Variants in SLC36A1 observed in about 807,000 individuals in gnomAD.
SLC36A1 encodes solute carrier family 36 member 1.
A neutral mutation model predicts 47.5 loss-of-function variants in SLC36A1; 30 were observed. The observed-to-expected ratio is 0.63, with a 90% CI of 0.47 to 0.86. SLC36A1 has a LOEUF of 0.86. Among genes scored for constraint, SLC36A1 ranks in the 40% least tolerant of loss-of-function variants. The pLI, the probability that SLC36A1 is intolerant of heterozygous loss-of-function variation, is 0.00. For synonymous variants in SLC36A1, 255 were observed against 249.7 expected (o/e 1.02, Z -0.20); for missense variants, 517 against 606.0 (o/e 0.85, Z 1.54).
At chr5:151,387,737 G>A in the SLC36A1 span, among the ~76,000 whole-genome samples, 1 of 152,176 alleles carries the variant, frequency 6.6e-6, no homozygotes, top group Admixed American at 6.5e-5. Flanking sequence ...AAGTAGCTGG[G>A]AATACAGGCA....
chr5:151,403,898 G>A, the SLC36A1 span, among the ~76,000 whole-genome samples: 1 of 152,140 alleles, frequency 6.6e-6, no homozygotes, highest in African/African-American at 2.4e-5. Flanking sequence ...TATATTCTGT[G>A]GTTGTTTGGT....
At chr5:151,547,717 A>G in the SLC36A1 span, among the ~76,000 whole-genome samples, 1 of 152,332 alleles carries the variant, frequency 6.6e-6, no homozygotes, top group South Asian at 2.1e-4. Flanking sequence ...AACAACCTAC[A>G]TGTGATTCCG....
the SLC36A1 span, among the ~76,000 whole-genome samples, chr5:151,547,889 G>A: frequency 2.6e-5 from 4 of 152,144 alleles, no homozygotes; most frequent in African/African-American, 9.7e-5. Context: ...ATGGTTATGT[G>A]TTGTGTTCTT....
the SLC36A1 span, among the ~76,000 whole-genome samples, chr5:151,345,761 C>T: frequency 5.3e-5 from 8 of 152,282 alleles, no homozygotes; most frequent in East Asian, 5.8e-4. Context: ...AAACATAGTG[C>T]GGTAAGTCAT....
At chr5:151,425,020 CA>C in the SLC36A1 span, among the ~76,000 whole-genome samples, 1 of 152,016 alleles carries the variant, frequency 6.6e-6, no homozygotes, top group African/African-American at 2.4e-5. Context: ...AAATAAACAA[CA>C]AAAAAAGGGC....
intron 5 of SLC36A1, among the ~76,000 whole-genome samples, chr5:151,466,694 G>A (rs367931294): frequency 7.2e-4 from 109 of 152,284 alleles, no homozygotes; most frequent in African/African-American, 2.3e-3. Context: ...TTTATGTCAA[G>A]GGCTCCCTGT....
chr5:151,431,021 C>T, the SLC36A1 span, among the ~76,000 whole-genome samples: 1 of 152,168 alleles, frequency 6.6e-6, no homozygotes, highest in Admixed American at 6.5e-5. Context: ...GTGTTCATTG[C>T]TTTAGTTCCA....
At chr5:151,544,772 C>G in the SLC36A1 span, 1 of 1,614,130 alleles carries the variant, frequency 6.2e-7, no homozygotes. Flanking sequence ...AGATAGGGGT[C>G]AATTCGGAAA....
the SLC36A1 span, chr5:151,522,133 T>C: frequency 4.2e-6 from 6 of 1,442,712 alleles, no homozygotes; most frequent in Middle Eastern, 2.5e-4. Flanking sequence ...ACTGCAGTGC[T>C]CTTGCGCCCG....
the SLC36A1 span, among the ~76,000 whole-genome samples, chr5:151,371,306 C>G: frequency 6.6e-6 from 1 of 152,130 alleles, no homozygotes; most frequent in Non-Finnish European, 1.5e-5. Context: ...TTTCTATAAA[C>G]TATATTCATT....
At chr5:151,347,842 A>G in the SLC36A1 span, among the ~76,000 whole-genome samples, 3 of 152,160 alleles carry the variant, frequency 2.0e-5, no homozygotes, top group African/African-American at 4.8e-5. Flanking sequence ...TTCTCATTTA[A>G]CCCTATCAAT....
the SLC36A1 span, among the ~76,000 whole-genome samples, chr5:151,406,933 C>A: frequency 6.6e-6 from 1 of 152,086 alleles, no homozygotes; most frequent in African/African-American, 2.4e-5. Context: ...CAGATGTGTC[C>A]GGAGTTTCTT....
chr5:151,460,778 A>C (rs937516688), intron 2 of SLC36A1, among the ~76,000 whole-genome samples: 5 of 150,624 alleles, frequency 3.3e-5, no homozygotes, highest in Non-Finnish European at 5.9e-5. Context: ...TGTTAGAGAC[A>C]AGTTTTTGAG....
the SLC36A1 span, among the ~76,000 whole-genome samples, chr5:151,548,170 C>T: frequency 6.6e-6 from 1 of 152,130 alleles, no homozygotes; most frequent in Non-Finnish European, 1.5e-5. Flanking sequence ...TGGCTTTATA[C>T]AGTACCAGTA....
intron 10 of SLC36A1, among the ~76,000 whole-genome samples, chr5:151,485,168 G>A (rs1406019763): frequency 6.6e-6 from 1 of 152,202 alleles, no homozygotes; most frequent in East Asian, 1.9e-4. Flanking sequence ...GCTAAGGGCT[G>A]AAAACATAGT....
chr5:151,516,966 G>C, the SLC36A1 span, among the ~76,000 whole-genome samples: 1 of 152,126 alleles, frequency 6.6e-6, no homozygotes, highest in Non-Finnish European at 1.5e-5. Context: ...AAAATAGCCA[G>C]GCATGGTGGT....
upstream of SLC36A1, among the ~76,000 whole-genome samples, chr5:151,444,962 T>G (rs1752837056): frequency 6.6e-6 from 1 of 152,244 alleles, no homozygotes; most frequent in Non-Finnish European, 1.5e-5. Flanking sequence ...CTGATTGCTC[T>G]TGCTAGTACT....
the SLC36A1 span, among the ~76,000 whole-genome samples, chr5:151,349,626 C>G: frequency 6.6e-6 from 1 of 152,050 alleles, no homozygotes; most frequent in Non-Finnish European, 1.5e-5. Context: ...TGCAGGCCAG[C>G]TTTTCTTGGG....
At chr5:151,418,519 A>G in the SLC36A1 span, among the ~76,000 whole-genome samples, 7 of 152,118 alleles carry the variant, frequency 4.6e-5, no homozygotes, top group Admixed American at 4.6e-4. Flanking sequence ...TCAGAGCTTT[A>G]AGGTTTGACT....
Sources: gnomAD v4.1 joint callset for allele counts (sites outside exome capture counted in the v4.1 genomes callset) on GRCh38, gnomAD v4.1.1 for gene constraint, MANE v1.5 for transcripts, NCBI Gene and HGNC (gene_info 2026-07-23, HGNC 2026-07-21) for gene names.